Variants in DPH6 observed in about 807,000 individuals in gnomAD.
The protein encoded by DPH6 is diphthine--ammonia ligase.
A neutral mutation model predicts 38.2 loss-of-function variants in DPH6; 33 were observed. That is an observed-to-expected ratio of 0.86 (90% CI 0.65 to 1.15). The LOEUF (loss-of-function observed/expected upper bound fraction) is 1.15, where lower values mean the gene tolerates loss of function less well. DPH6 is among the 50% of genes most tolerant of loss of function. The probability of loss-of-function intolerance (pLI) is 0.00; values close to 1 mark genes in which losing one functional copy is unlikely to be tolerated. For missense variants in DPH6, 325 were observed against 320.0 expected (o/e 1.02, Z -0.12); for synonymous variants, 108 against 103.0 (o/e 1.05, Z -0.30).
At chr15:35,246,319 A>T (rs966849656) in intron 3 of DPH6, among the ~76,000 whole-genome samples, 1 of 152,198 alleles carries the variant, frequency 6.6e-6, no homozygotes, top group African/African-American at 2.4e-5. Flanking sequence ...TCATTCAAAT[A>T]ATACTTGTTG....
At chr15:35,460,064 C>T (rs1320783415) in intron 3 of DPH6, among the ~76,000 whole-genome samples, 1 of 152,146 alleles carries the variant, frequency 6.6e-6, no homozygotes, top group East Asian at 1.9e-4. Context: ...TGACATAGTA[C>T]CATATGCTAT....
downstream of DPH6, among the ~76,000 whole-genome samples, chr15:35,215,970 C>T (rs961911236): frequency 2.6e-5 from 4 of 152,228 alleles, no homozygotes; most frequent in Non-Finnish European, 4.4e-5. Flanking sequence ...TCTTTCTTAT[C>T]TTTGGCTCTA....
chr15:35,278,863 C>G (rs781240196), intron 3 of DPH6, among the ~76,000 whole-genome samples: 1 of 151,960 alleles, frequency 6.6e-6, no homozygotes, highest in Non-Finnish European at 1.5e-5. Flanking sequence ...TCCTGACTAA[C>G]GTGGTGAAAC....
exon 4 of DPH6, chr15:35,218,294 C>T (rs937006475): frequency 4.3e-4 from 65 of 152,238 alleles, no homozygotes; most frequent in African/African-American, 1.6e-3. Context: ...ACACCTTTTT[C>T]TAAGGGTGAT....
chr15:35,456,495 AT>A (rs1178375945), intron 3 of DPH6, among the ~76,000 whole-genome samples: 10 of 141,750 alleles, frequency 7.1e-5, no homozygotes, highest in East Asian at 2.0e-4. Context: ...ATTTATTATT[AT>A]TTTTTTTTTG....
intron 3 of DPH6, among the ~76,000 whole-genome samples, chr15:35,272,358 A>T (rs58983516): frequency 3.0e-4 from 45 of 152,254 alleles, no homozygotes; most frequent in African/African-American, 1.1e-3. Context: ...AACTAAGGAA[A>T]GACTTTATAT....
intron 3 of DPH6, among the ~76,000 whole-genome samples, chr15:35,288,661 C>T (rs771619898): frequency 6.6e-6 from 1 of 152,130 alleles, no homozygotes; most frequent in Non-Finnish European, 1.5e-5. Flanking sequence ...CAAGATGCAT[C>T]GCTCTATCAA....
intron 3 of DPH6, among the ~76,000 whole-genome samples, chr15:35,351,418 A>G (rs1388308457): frequency 6.6e-6 from 1 of 152,080 alleles, no homozygotes; most frequent in Non-Finnish European, 1.5e-5. Flanking sequence ...GTAATTATTG[A>G]TAGGTTAGGA....
chr15:35,544,703 AAT>A (rs1460981604), intron 1 of DPH6, among the ~76,000 whole-genome samples: 1 of 152,192 alleles, frequency 6.6e-6, no homozygotes, highest in Non-Finnish European at 1.5e-5. Flanking sequence ...CTTCAGCAAG[AAT>A]TTTCCAACAT....
chr15:35,538,254 T>G lies in DPH6; in HGVS notation c.312+20A>C, dbSNP rs1240658247. The G allele has an allele frequency of 4.2e-6, 6 of 1,440,748 alleles. No individual in the cohort carries two copies. The highest frequency in any genetic ancestry group is 5.6e-6 in the Non-Finnish European group (6 of 1,075,706). 89.2% of individuals were successfully genotyped at this position (1,440,748 alleles called of 1,614,324 possible). On this transcript the variant is annotated intron_variant, in intron 3 of 8. Coordinates refer to ENST00000256538, the MANE Select transcript of DPH6 (RefSeq NM_080650.4). Reference sequence around the variant, plus strand: ...AATTACACACTAAATCCAATATACTTAATTGGTTACTCTGCATACCTTAAC... The same window carrying G: ...AATTACACACTAAATCCAATATACTGAATTGGTTACTCTGCATACCTTAAC...
In DPH6 at chr15:35,237,359, C is replaced by A. The variant is rs1033115367; in HGVS notation, n.201-16777G>T. The stretch of plus-strand genomic sequence containing the variant: ...GGGCAGACGGATTCATTTAGAGCTG[C>A]GGAACAGGACGCCCTCTGATGTGAA... On this transcript the variant is annotated intron_variant and non_coding_transcript_variant, in intron 3 of 3. Coordinates refer to the DPH6 transcript ENST00000560386. 7 of 1,597,696 alleles carry A rather than the reference C, an allele frequency of 4.4e-6. No individual in the cohort carries two copies. The South Asian group carries it at 4.4e-5, about 10-fold the overall frequency.
intron 3 of DPH6, among the ~76,000 whole-genome samples, chr15:35,255,566 T>C (rs558681943): frequency 4.6e-5 from 7 of 152,332 alleles, no homozygotes; most frequent in Admixed American, 4.6e-4. Context: ...TAGTTTCAGA[T>C]GTTTTTCTTT....
At chr15:35,166,869 G>GA in the DPH6 span, among the ~76,000 whole-genome samples, 1 of 151,946 alleles carries the variant, frequency 6.6e-6, no homozygotes, top group South Asian at 2.1e-4. Flanking sequence ...GCTGGAGGGA[G>GA]AAAATGCTAT....
intron 3 of DPH6, among the ~76,000 whole-genome samples, chr15:35,527,166 T>C (rs1225799004): frequency 6.6e-6 from 1 of 152,094 alleles, no homozygotes; most frequent in Non-Finnish European, 1.5e-5. Flanking sequence ...AATATTAATA[T>C]ACTAATGGAA....
intron 3 of DPH6, among the ~76,000 whole-genome samples, chr15:35,349,092 G>A (rs1487847433): frequency 6.6e-6 from 1 of 151,992 alleles, no homozygotes; most frequent in Admixed American, 6.6e-5. Context: ...ATAAGATTAT[G>A]TCATTTGTGA....
chr15:35,461,795 T>C (rs1175326721), intron 3 of DPH6, among the ~76,000 whole-genome samples: 2 of 152,078 alleles, frequency 1.3e-5, no homozygotes, highest in Non-Finnish European at 2.9e-5. Flanking sequence ...AAAATTTAGG[T>C]TGAAAAAGAA....
chr15:35,209,211 G>T, the DPH6 span, among the ~76,000 whole-genome samples: 3 of 151,956 alleles, frequency 2.0e-5, no homozygotes, highest in Non-Finnish European at 4.4e-5. Context: ...GGTTTACTAG[G>T]TAGATAATAT....
rs147196871 is a variant in DPH6 at position 35,236,706 on chromosome 15, A to T, written n.201-16124T>A. Among the ~76,000 whole-genome samples, 41 of 152,172 alleles carry T rather than the reference A, an allele frequency of 2.7e-4. 1 individual carries two copies. Among genetic ancestry groups the T allele is most frequent in the Admixed American group, 2.6e-3 (39 of 15,286 alleles). ...TGGTAATCAGGTATCTACTATTTAT[A>T]TGTATCCTAATGGTAATCTGACCAT... On this transcript the variant is annotated intron_variant and non_coding_transcript_variant, in intron 3 of 3. Coordinates refer to the DPH6 transcript ENST00000560386.
At chr15:35,486,047 A>T (rs2054393419) in intron 3 of DPH6, among the ~76,000 whole-genome samples, 1 of 152,202 alleles carries the variant, frequency 6.6e-6, no homozygotes, top group African/African-American at 2.4e-5. Context: ...AACACCTGAG[A>T]CTTGGTAATT....
Sources: allele counts gnomAD v4.1 joint callset (sites outside exome capture counted in the v4.1 genomes callset), GRCh38; gene constraint gnomAD v4.1.1; transcripts MANE v1.5; gene names NCBI Gene and HGNC (gene_info 2026-07-23, HGNC 2026-07-21).